ASTN2: variants seen among roughly 807,000 people sequenced by gnomAD.
The protein encoded by ASTN2 is astrotactin-2.
Under a neutral mutation model 139.8 loss-of-function variants are expected in ASTN2, and 54 were observed. The ratio of observed to expected loss-of-function variants is 0.39; its 90% CI spans 0.31 to 0.48. ASTN2 has a LOEUF of 0.48. Among genes scored for constraint, ASTN2 ranks in the 20% least tolerant of loss-of-function variants. The pLI, the probability that ASTN2 is intolerant of heterozygous loss-of-function variation, is 0.95. For synonymous variants in ASTN2, 756 were observed against 719.5 expected, an observed-to-expected ratio of 1.05 and a Z score of -0.81; for missense variants, 1,565 against 1,725.1, an observed-to-expected ratio of 0.91 and a Z score of 1.64.
chr9:117,330,872 C>G (rs762136907), intron 1 of ASTN2, among the ~76,000 whole-genome samples: 6 of 152,156 alleles, frequency 3.9e-5, no homozygotes, highest in Non-Finnish European at 5.9e-5. Flanking sequence ...TTCTCCGGAT[C>G]TTCTCTCCTT....
At chr9:117,314,908 T>C in intron 1 of ASTN2, among the ~76,000 whole-genome samples, 1 of 146,278 alleles carries the variant, frequency 6.8e-6, no homozygotes, top group East Asian at 2.0e-4. Context: ...ATTTTTATTA[T>C]ATTGTAAATC....
intron 10 of ASTN2, among the ~76,000 whole-genome samples, chr9:116,964,392 T>C (rs904700514): frequency 6.6e-6 from 1 of 152,172 alleles, no homozygotes; most frequent in Non-Finnish European, 1.5e-5. Flanking sequence ...CATCTTAGCT[T>C]ATCTTGGTGA....
chr9:116,872,147 A>G (rs1833183925), intron 10 of ASTN2, among the ~76,000 whole-genome samples: 1 of 152,200 alleles, frequency 6.6e-6, no homozygotes, highest in Admixed American at 6.5e-5. Context: ...TATTTTTAGT[A>G]GAGATTGGGT....
intron 16 of ASTN2, among the ~76,000 whole-genome samples, chr9:116,703,932 A>C (rs1164992735): frequency 6.6e-6 from 1 of 152,180 alleles, no homozygotes; most frequent in Non-Finnish European, 1.5e-5. Context: ...AACAGTGAGG[A>C]AGAAGGCTGT....
At chr9:116,440,915 G>C (rs1473961611) in intron 21 of ASTN2, 123 bp from the exon 22 acceptor site, 3 of 935,402 alleles carry the variant, frequency 3.2e-6, no homozygotes, top group African/African-American at 1.6e-5. Flanking sequence ...TCTGGGAGCA[G>C]ACAAACCTTA....
chr9:116,438,771 C>G (rs1847737988), intron 22 of ASTN2, among the ~76,000 whole-genome samples: 1 of 152,040 alleles, frequency 6.6e-6, no homozygotes, highest in Admixed American at 6.6e-5. Flanking sequence ...TTGGCGAAAC[C>G]CTCTCTCTAC....
chr9:116,550,534 T>C (rs1852295916), intron 19 of ASTN2, among the ~76,000 whole-genome samples: 1 of 152,140 alleles, frequency 6.6e-6, no homozygotes, highest in Admixed American at 6.5e-5. Context: ...TGAAGCTCAG[T>C]TGCTCTCTGA....
At chr9:117,060,370 G>T (rs1192694080) in intron 5 of ASTN2, among the ~76,000 whole-genome samples, 1 of 62,746 alleles carries the variant, frequency 1.6e-5, no homozygotes, top group Non-Finnish European at 2.9e-5. Context: ...AAGAAAGAAA[G>T]AAAGAAAGAA....
intron 19 of ASTN2, among the ~76,000 whole-genome samples, chr9:116,528,578 A>T (rs1004503686): frequency 6.6e-6 from 1 of 152,226 alleles, no homozygotes; most frequent in Non-Finnish European, 1.5e-5. Context: ...CTGCAAAAAA[A>T]TTGCATAAGT....
intron 13 of ASTN2, among the ~76,000 whole-genome samples, chr9:116,800,994 A>C (rs556773390): frequency 4.6e-5 from 7 of 152,278 alleles, no homozygotes; most frequent in Admixed American, 1.3e-4. Flanking sequence ...GGAGGAGTAC[A>C]AAGCAGAACT....
chr9:117,277,399 G>A (rs913508674), intron 2 of ASTN2: 5 of 152,130 alleles, frequency 3.3e-5, no homozygotes, highest in Non-Finnish European at 7.4e-5. Flanking sequence ...ATTTCAATGA[G>A]ATATATTAAC....
intron 16 of ASTN2, among the ~76,000 whole-genome samples, chr9:116,677,093 TAAAC>T (rs1564198821): frequency 2.0e-5 from 3 of 152,268 alleles, no homozygotes. Context: ...TAAAAGTGGA[TAAAC>T]AAACTATAGA....
chr9:116,616,919 T>C (rs1285947967), intron 19 of ASTN2, among the ~76,000 whole-genome samples: 1 of 152,300 alleles, frequency 6.6e-6, no homozygotes, highest in African/African-American at 2.4e-5. Flanking sequence ...CATATTCAGA[T>C]ACACAGTCTT....
rs542732434 is a variant in ASTN2, at chr9:116,865,122, G to A, written c.1890-1389C>T. Among the ~76,000 whole-genome samples, 33 of 152,196 alleles carry A rather than the reference G, an allele frequency of 2.2e-4. No homozygotes were observed. The South Asian group carries it at 6.8e-3, about 32-fold the overall frequency. ...ATCTCTGAAAACAGGTTCTAAACTG[G>A]AAAGTTACATGCAGGAGGTTTATTG... On this transcript the variant is annotated intron_variant, in intron 10 of 22. Coordinates refer to ENST00000313400, the MANE Select transcript of ASTN2 (RefSeq NM_001365068.1).
At chr9:117,389,716 A>G (rs1830494349) in intron 1 of ASTN2, among the ~76,000 whole-genome samples, 1 of 152,116 alleles carries the variant, frequency 6.6e-6, no homozygotes, top group Non-Finnish European at 1.5e-5. Context: ...CTAATTGTGA[A>G]CCAAATGCTT....
At chr9:117,380,452 A>G (rs2130927288) in intron 1 of ASTN2, among the ~76,000 whole-genome samples, 1 of 152,082 alleles carries the variant, frequency 6.6e-6, no homozygotes, top group Middle Eastern at 3.4e-3. Flanking sequence ...TAAAAATACA[A>G]AAATTAGCTG....
At chr9:116,706,659 C>G (rs1564224055) in intron 16 of ASTN2, among the ~76,000 whole-genome samples, 1 of 151,768 alleles carries the variant, frequency 6.6e-6, no homozygotes, top group East Asian at 1.9e-4. Flanking sequence ...TGTGGGATGA[C>G]TAAACACTTT....
chr9:117,285,478 C>G (rs961577666), intron 2 of ASTN2, among the ~76,000 whole-genome samples: 12 of 151,938 alleles, frequency 7.9e-5, no homozygotes, highest in African/African-American at 2.9e-4. Context: ...AAGTGTTATC[C>G]CAATATCACA....
At chr9:117,141,268 CT>C in intron 4 of ASTN2, 57 bp downstream of exon 4, 1 of 1,348,392 alleles carries the variant, frequency 7.4e-7, no homozygotes. Context: ...TCCCTAGCAT[CT>C]TTGGAATCAG....
Sources: gnomAD v4.1 joint callset for allele counts (sites outside exome capture counted in the v4.1 genomes callset) on GRCh38, gnomAD v4.1.1 for gene constraint, MANE v1.5 for transcripts, NCBI Gene and HGNC (gene_info 2026-07-23, HGNC 2026-07-21) for gene names.